FNDC3B: variants seen among roughly 807,000 people sequenced by gnomAD.
The protein encoded by FNDC3B is fibronectin type III domain-containing protein 3B.
FNDC3B carries 12 observed loss-of-function variants against 151.5 expected under a neutral mutation model. The ratio of observed to expected loss-of-function variants is 0.08; its 90% CI spans 0.05 to 0.13. FNDC3B has a LOEUF of 0.13. Among genes scored for constraint, FNDC3B ranks in the 10% least tolerant of loss-of-function variants. FNDC3B has a pLI of 1.00. For missense variants in FNDC3B, 1,214 were observed against 1,505.3 expected (o/e 0.81, Z 3.20); for synonymous variants, 528 against 549.0 (o/e 0.96, Z 0.54).
chr3:172,088,395 G>A (rs975303358), intron 1 of FNDC3B, among the ~76,000 whole-genome samples: 1 of 152,160 alleles, frequency 6.6e-6, no homozygotes, highest in African/African-American at 2.4e-5. Context: ...ATCTCCAGAT[G>A]GCCACCACGG....
At chr3:172,346,207 G>A in intron 19 of FNDC3B, 120 bp from the exon 20 acceptor site, 1 of 487,256 alleles carries the variant, frequency 2.1e-6, no homozygotes, top group Non-Finnish European at 3.7e-6. Context: ...TTGTTAATTA[G>A]TTGTGTTGAT....
chr3:172,391,302 A>C (rs114667665), intron 25 of FNDC3B, among the ~76,000 whole-genome samples: 401 of 152,306 alleles, frequency 2.6e-3, no homozygotes, highest in Non-Finnish European at 4.9e-3. Flanking sequence ...CATTTTCTTG[A>C]CTGATCCTCA....
chr3:172,361,748 A>G (rs1014305207), intron 22 of FNDC3B, among the ~76,000 whole-genome samples: 4 of 151,804 alleles, frequency 2.6e-5, no homozygotes, highest in Admixed American at 6.6e-5. Flanking sequence ...CTCAATATCA[A>G]TTTTCTTTTA....
intron 3 of FNDC3B, among the ~76,000 whole-genome samples, chr3:172,162,973 G>A (rs1346427706): frequency 6.6e-6 from 1 of 152,132 alleles, no homozygotes; most frequent in Non-Finnish European, 1.5e-5. Context: ...TAAAATATAT[G>A]TATAAGGAAT....
chr3:172,133,574 A>AT, intron 3 of FNDC3B, 28 bp downstream of exon 3: 1 of 1,509,478 alleles, frequency 6.6e-7, no homozygotes, highest in Non-Finnish European at 9.2e-7. Context: ...AAATATTCTA[A>AT]TCAAAGATTT....
At chr3:172,069,990 T>C (rs1328142697) in intron 1 of FNDC3B, among the ~76,000 whole-genome samples, 3 of 152,198 alleles carry the variant, frequency 2.0e-5, no homozygotes, top group African/African-American at 7.2e-5. Context: ...GTTGTGTGCC[T>C]TTCCTTACTT....
chr3:172,164,665 C>G (rs1021935743), intron 3 of FNDC3B, among the ~76,000 whole-genome samples: 1 of 152,168 alleles, frequency 6.6e-6, no homozygotes, highest in African/African-American at 2.4e-5. Flanking sequence ...TAAGAATTGA[C>G]CGAATACTCA....
At chr3:172,192,120 A>C (rs1724542709) in intron 3 of FNDC3B, among the ~76,000 whole-genome samples, 1 of 151,576 alleles carries the variant, frequency 6.6e-6, no homozygotes, top group Admixed American at 6.6e-5. Flanking sequence ...GGCTTTGGAA[A>C]GCCAACTCTT....
intron 3 of FNDC3B, among the ~76,000 whole-genome samples, chr3:172,153,312 C>G (rs911822365): frequency 4.6e-5 from 7 of 152,156 alleles, no homozygotes; most frequent in African/African-American, 1.4e-4. Flanking sequence ...CTGTGTCTCC[C>G]CTGAGCTGGT....
chr3:172,361,067 A>C (rs551151652), intron 22 of FNDC3B, among the ~76,000 whole-genome samples: 33 of 152,230 alleles, frequency 2.2e-4, no homozygotes, highest in African/African-American at 7.7e-4. Flanking sequence ...AGCCCTCAAT[A>C]AACCTTTAAT....
chr3:172,054,785 C>G (rs941183423), intron 1 of FNDC3B, among the ~76,000 whole-genome samples: 6 of 152,160 alleles, frequency 3.9e-5, no homozygotes, highest in Non-Finnish European at 8.8e-5. Flanking sequence ...TGACCCCTCT[C>G]TCTATAGTTG....
intron 11 of FNDC3B, among the ~76,000 whole-genome samples, chr3:172,325,122 T>C (rs1732276614): frequency 6.6e-6 from 1 of 152,204 alleles, no homozygotes; most frequent in African/African-American, 2.4e-5. Flanking sequence ...TGTGACCAGA[T>C]CATTGATGAC....
At chr3:172,212,837 G>C (rs1420073241) in intron 3 of FNDC3B, among the ~76,000 whole-genome samples, 1 of 152,198 alleles carries the variant, frequency 6.6e-6, no homozygotes, top group African/African-American at 2.4e-5. Flanking sequence ...CTATTGGAAA[G>C]CTGAAATGGA....
intron 7 of FNDC3B, among the ~76,000 whole-genome samples, chr3:172,286,917 G>A (rs914629307): frequency 2.6e-5 from 4 of 152,198 alleles, no homozygotes; most frequent in African/African-American, 9.6e-5. Context: ...CTGTAGTCCT[G>A]GTGAAAGGCT....
chr3:172,261,228 T>A (rs1390456110), intron 6 of FNDC3B, among the ~76,000 whole-genome samples: 10 of 152,202 alleles, frequency 6.6e-5, no homozygotes, highest in Admixed American at 2.6e-4. Context: ...TCATGGAGGC[T>A]GACTACCAGG....
At chr3:172,305,856 A>G (rs879273569) in intron 9 of FNDC3B, among the ~76,000 whole-genome samples, 30 of 152,178 alleles carry the variant, frequency 2.0e-4, no homozygotes, top group Non-Finnish European at 8.8e-5. Flanking sequence ...ACACAGGGAA[A>G]TGATCTTACC....
At chr3:172,296,930 C>T (rs1033017464) in intron 8 of FNDC3B, among the ~76,000 whole-genome samples, 3 of 152,026 alleles carry the variant, frequency 2.0e-5, no homozygotes, top group Admixed American at 6.6e-5. Flanking sequence ...GTGTATACTG[C>T]GGGACAACTG....
At chr3:172,223,618 A>T (rs1349295285) in intron 3 of FNDC3B, among the ~76,000 whole-genome samples, 1 of 152,218 alleles carries the variant, frequency 6.6e-6, no homozygotes, top group Non-Finnish European at 1.5e-5. Flanking sequence ...GCAATACTTT[A>T]TTGAGATGGT....
intron 3 of FNDC3B, among the ~76,000 whole-genome samples, chr3:172,162,789 G>T (rs189952049): frequency 4.0e-5 from 6 of 151,830 alleles, no homozygotes; most frequent in Non-Finnish European, 8.8e-5. Flanking sequence ...GCTATGATAT[G>T]GCTCTGAGCT....
Sources: gnomAD v4.1 joint callset for allele counts (sites outside exome capture counted in the v4.1 genomes callset) on GRCh38, gnomAD v4.1.1 for gene constraint, MANE v1.5 for transcripts, NCBI Gene and HGNC (gene_info 2026-07-23, HGNC 2026-07-21) for gene names.